ZNF658: variants seen among roughly 807,000 people sequenced by gnomAD.
ZNF658 encodes zinc finger protein 658.
In ZNF658, 46 loss-of-function variants were observed where a neutral mutation model predicts 78.0. The observed-to-expected ratio is 0.59, with a 90% CI of 0.47 to 0.75. The LOEUF is 0.75. Among genes scored for constraint, ZNF658 ranks in the 30% least tolerant of loss-of-function variants. ZNF658 has a pLI of 0.00. For synonymous variants in ZNF658, 279 were observed against 408.4 expected (o/e 0.68, Z 3.82); for missense variants, 785 against 1,189.3 (o/e 0.66, Z 5.00).
In ZNF658 at chr9:66,918,166, T is replaced by C. The variant is rs1822384686; in HGVS notation, c.600T>C (p.Tyr200=). Residue 200 remains tyrosine (Y), a synonymous_variant, in exon 5 of 5, where the codon TAT becomes TAC. Coordinates refer to ENST00000621410, the MANE Select transcript of ZNF658 (RefSeq NM_033160.7). ...EHGENAKAFS[Y]KKDQHWKFQT... ...GTGAAAATGCTAAAGCTTTCAGTTA[T>C]AAGAAAGATCAGCATTGGAAATTTC... 6.2e-7 allele frequency: 1 copy of C among 1,607,002 alleles called. No individual in the cohort carries two copies. Among genetic ancestry groups the C allele is most frequent in the Admixed American group, 1.7e-5 (1 of 58,646 alleles).
downstream of ZNF658, chr9:66,921,444 AT>A (rs972686810): frequency 1.3e-5 from 2 of 150,192 alleles, no homozygotes; most frequent in Admixed American, 6.7e-5. Context: ...TTTCCTAGGT[AT>A]TTTTTTCTGA....
intron 6 of ZNF658, among the ~76,000 whole-genome samples, chr9:66,929,426 G>C (rs1822618433): frequency 7.2e-6 from 1 of 138,118 alleles, no homozygotes. Flanking sequence ...AAGCTGTTAA[G>C]GGACTGAGGA....
intron 6 of ZNF658, among the ~76,000 whole-genome samples, chr9:66,928,635 G>A (rs1256178895): frequency 5.9e-5 from 9 of 151,434 alleles, no homozygotes. Flanking sequence ...GACAGATCAC[G>A]AGGTCAGGAG....
rs1822488866 is a variant in ZNF658 at position 66,920,386 on chromosome 9, T to C, written c.2820T>C (p.Cys940=). 6.2e-7 allele frequency: 1 copy of C among 1,612,780 alleles called. No individual in the cohort carries two copies. The highest frequency in any genetic ancestry group is 8.5e-7 in the Non-Finnish European group (1 of 1,179,800). ...RVHTGEKPYE[C]NVCGKPFAHN... is the part of the protein sequence containing the mutation. ...ATACGGGGGAGAAACCCTACGAATG[T>C]AATGTATGTGGGAAGCCATTTGCCC... The change falls in exon 5 of 5, where the codon TGT becomes TGC. Residue 940 remains cysteine, a synonymous_variant. Transcript: ENST00000621410.
In ZNF658 at chr9:66,918,142, T is replaced by G; in HGVS notation, c.576T>G (p.Gly192=). The G allele has an allele frequency of 6.3e-7, 1 of 1,595,950 alleles. No homozygotes were observed. Among genetic ancestry groups the G allele is most frequent in the Non-Finnish European group, 8.5e-7 (1 of 1,175,170 alleles). The change falls in exon 5 of 5, where the codon GGT becomes GGG. Residue 192 remains glycine (G), a synonymous_variant. Coordinates refer to ENST00000621410, the MANE Select transcript of ZNF658 (RefSeq NM_033160.7). ...CTGAAGAGAAATCTTATGAACATGGTGAAAATGCTAAAGCTTTCAGTTATA... is the reference window on the plus strand; with the variant it reads ...CTGAAGAGAAATCTTATGAACATGGGGAAAATGCTAAAGCTTTCAGTTATA... ...AHAEEKSYEH[G]ENAKAFSYKK...
In ZNF658 at chr9:66,913,947, C is replaced by T. The variant is rs1031141701; in HGVS notation, c.239-3858C>T. Among the ~76,000 whole-genome samples, 4 of 59,768 alleles carry T rather than the reference C, an allele frequency of 6.7e-5. 1 individual carries two copies. Among genetic ancestry groups the T allele is most frequent in the African/African-American group, 2.8e-4 (3 of 10,842 alleles). The allele number at this position is 59,768 out of a possible 152,430, so 39.2% of individuals were successfully genotyped here. A position where few individuals can be genotyped will look rare whatever the true frequency, so the allele number is the denominator to read the frequency against. ...CTTTTCATTCATCTACATGTCTTTC[C>T]TTATGCCAATACCACATTAACTTGA... On this transcript the variant is annotated intron_variant, in intron 4 of 4. Transcript: ENST00000621410.
chr9:66,925,391 C>G (rs574872977), downstream of ZNF658, among the ~76,000 whole-genome samples: 1 of 151,958 alleles, frequency 6.6e-6, no homozygotes, highest in South Asian at 2.1e-4. Context: ...AAGACAAAAA[C>G]AGAAATGAAA....
intron 4 of ZNF658, among the ~76,000 whole-genome samples, chr9:66,915,353 T>G (rs1822310933): frequency 6.6e-6 from 1 of 152,010 alleles, no homozygotes; most frequent in South Asian, 2.1e-4. Flanking sequence ...CTGCCTCTTC[T>G]TTCCACTTAG....
intron 2 of ZNF658, among the ~76,000 whole-genome samples, 180 bp downstream of exon 2, chr9:66,903,756 T>G (rs1053490619): frequency 1.3e-5 from 2 of 152,156 alleles, no homozygotes; most frequent in African/African-American, 2.4e-5. Flanking sequence ...TCCTCCGATA[T>G]TACAAATTTA....
At chr9:66,907,557 A>G (rs993412873) in intron 2 of ZNF658, among the ~76,000 whole-genome samples, 1 of 151,884 alleles carries the variant, frequency 6.6e-6, no homozygotes, top group Non-Finnish European at 1.5e-5. Flanking sequence ...GTCTACATCT[A>G]TGAGTTTGAA....
chr9:66,906,686 AGTG>A (rs1822087451), intron 2 of ZNF658, among the ~76,000 whole-genome samples: 1 of 151,690 alleles, frequency 6.6e-6, no homozygotes, highest in African/African-American at 2.4e-5. Context: ...TGCCTCATCC[AGTG>A]GATACCAGGC....
At position 66,920,224 on chromosome 9, in the gene ZNF658, C is replaced by G. The variant is rs757626868; in HGVS notation, c.2658C>G (p.Asp886Glu). The change falls in exon 5 of 5, where the codon GAC becomes GAG. Residue 886 changes from aspartate (D) to glutamate (E), a missense_variant. Asp to Glu is a conservative substitution (Grantham distance 45). This residue lies in a region of ZNF658 where 85 missense variants were observed against 108.6 expected (regional missense o/e 0.78). Coordinates refer to ENST00000621410, the MANE Select transcript of ZNF658 (RefSeq NM_033160.7). ...HTGEKPYECN[D>E]CGKTFSKTSH... ...GGGAGAAACCCTATGAATGTAATGA[C>G]TGTGGGAAGACTTTCTCCAAGACAT... 2 of 1,604,516 alleles carry G rather than the reference C, an allele frequency of 1.2e-6. No individual in the cohort carries two copies. Among genetic ancestry groups the G allele is most frequent in the Admixed American group, 1.7e-5 (1 of 59,128 alleles).
chr9:66,923,206 G>A (rs552623591), downstream of ZNF658, among the ~76,000 whole-genome samples: 44 of 150,896 alleles, frequency 2.9e-4, 1 homozygote, highest in South Asian at 6.5e-4. Context: ...TCCAAAAGCC[G>A]AAGAACTTGG....
At chr9:66,913,459 C>T (rs1564172344) in intron 4 of ZNF658, among the ~76,000 whole-genome samples, 1 of 151,384 alleles carries the variant, frequency 6.6e-6, no homozygotes, top group Non-Finnish European at 1.5e-5. Context: ...GAAGCCTCCT[C>T]TTCCACCCCC....
At chr9:66,917,773 T>G (rs1420427524) in intron 4 of ZNF658, 32 bp from the exon 5 acceptor site, 9 of 1,312,506 alleles carry the variant, frequency 6.9e-6, no homozygotes, top group Non-Finnish European at 9.2e-6. Context: ...AATGTAAGAT[T>G]TATACTATAT....
At position 66,919,076 on chromosome 9, in the gene ZNF658, C is replaced by T; in HGVS notation, c.1510C>T (p.His504Tyr). The change falls in exon 5 of 5, where the codon CAT (histidine) becomes TAT (tyrosine). Residue 504 changes from histidine to tyrosine, a missense_variant. His to Tyr is a moderately conservative substitution (Grantham distance 83). This residue lies in a region of ZNF658 where 393 missense variants were observed against 400.2 expected (regional missense o/e 0.98). Transcript: ENST00000621410. The stretch of plus-strand genomic sequence containing the variant: ...TGGCAGTGAATATGGGAAGACATCA[C>T]ATCTCAAAGGACATCAGAGAATTCT... ...CGGSEYGKTS[H>Y]LKGHQRILMG... 1 of 602,736 alleles carries T rather than the reference C, an allele frequency of 1.7e-6. No individual in the cohort carries two copies. Among genetic ancestry groups the T allele is most frequent in the Non-Finnish European group, 2.7e-6 (1 of 374,862 alleles). The allele number at this position is 602,736 out of a possible 1,614,324, so 37.3% of individuals were successfully genotyped here. A position where few individuals can be genotyped will look rare whatever the true frequency, so the allele number is the denominator to read the frequency against.
rs1587353081 is a variant in ZNF658 at position 66,903,587 on chromosome 9, T to C, written c.15+11T>C. ...ATGAACATGTCTCAGGTGAGTTAGG[T>C]TTTTAAAAACCGGTTTATTTTACAA... On this transcript the variant is annotated intron_variant, in intron 2 of 4. Transcript: ENST00000621410. 1 of 1,611,926 alleles carries C rather than the reference T, an allele frequency of 6.2e-7. No homozygotes were observed. Among genetic ancestry groups the C allele is most frequent in the Admixed American group, 1.7e-5 (1 of 59,996 alleles).
intron 2 of ZNF658, among the ~76,000 whole-genome samples, chr9:66,907,667 A>G (rs1822110022): frequency 6.6e-6 from 1 of 152,248 alleles, no homozygotes; most frequent in Admixed American, 6.5e-5. Context: ...ATACAGCTAG[A>G]TTGAGTAGCT....
intron 4 of ZNF658, among the ~76,000 whole-genome samples, chr9:66,914,708 C>T (rs1385819182): frequency 6.6e-6 from 1 of 152,120 alleles, no homozygotes; most frequent in South Asian, 2.1e-4. Context: ...ACCTGAAATG[C>T]AGCATAAAAA....
Sources: gnomAD v4.1 joint callset for allele counts (sites outside exome capture counted in the v4.1 genomes callset) on GRCh38, gnomAD v4.1.1 for gene constraint, gnomAD v4.1.1 regional missense constraint, MANE v1.5 for transcripts, NCBI Gene and HGNC (gene_info 2026-07-23, HGNC 2026-07-21) for gene names.